ZNF469: variants seen among roughly 807,000 people sequenced by gnomAD.
ZNF469 encodes zinc finger protein 469.
Under a neutral mutation model 1.0 loss-of-function variants are expected in ZNF469, and 1 was observed. That is an observed-to-expected ratio of 1.00 (90% CI 0.35 to 4.73). The LOEUF (loss-of-function observed/expected upper bound fraction) is 4.73. Ranked by LOEUF, ZNF469 falls within the 30% of genes most tolerant of loss-of-function variation. ZNF469 has a pLI of 0.16. For synonymous variants in ZNF469, 2,703 were observed against 2,363.4 expected (o/e 1.14, Z -4.17); for missense variants, 6,100 against 5,356.3 (o/e 1.14, Z -4.33).
At chr16:88,112,196 G>C in the ZNF469 span, among the ~76,000 whole-genome samples, 1 of 152,166 alleles carries the variant, frequency 6.6e-6, no homozygotes, top group Non-Finnish European at 1.5e-5. Flanking sequence ...CCAGCACTTC[G>C]GGAGGCTGAG....
rs922480558 is a variant in ZNF469, at chr16:88,439,707, A to T, written c.*375A>T. On this transcript the variant is annotated 3_prime_UTR_variant, in exon 3 of 3. Coordinates refer to ENST00000565624, the MANE Select transcript of ZNF469 (RefSeq NM_001367624.2). ...GATTTGCACAACCTCCCGTTCCCCC[A>T]CATGGAGAAGGGAAGTAAGTTGAGG... is the stretch of plus-strand genomic sequence containing the variant. 1.0e-4 allele frequency: 30 copies of T among 294,238 alleles called. 1 individual carries two copies. Among genetic ancestry groups the T allele is most frequent in the South Asian group, 6.6e-4 (18 of 27,416 alleles). 18.2% of individuals were successfully genotyped at this position (294,238 alleles called of 1,614,324 possible). A position where few individuals can be genotyped will look rare whatever the true frequency, so the allele number is the denominator to read the frequency against.
At chr16:88,253,985 G>C in the ZNF469 span, among the ~76,000 whole-genome samples, 2 of 151,690 alleles carry the variant, frequency 1.3e-5, no homozygotes, top group Non-Finnish European at 2.9e-5. Flanking sequence ...TTTCCTAATA[G>C]TGTTATTTAA....
At chr16:88,386,378 C>T (rs771371889) in intron 1 of ZNF469, among the ~76,000 whole-genome samples, 1 of 152,108 alleles carries the variant, frequency 6.6e-6, no homozygotes, top group African/African-American at 2.4e-5. Context: ...GGGACCCCAC[C>T]GTCCCGCCCC....
intron 1 of ZNF469, among the ~76,000 whole-genome samples, chr16:88,386,956 C>G (rs1904345955): frequency 1.3e-5 from 2 of 152,164 alleles, no homozygotes; most frequent in African/African-American, 4.8e-5. Context: ...CAGGGACTGG[C>G]TGCAATCGTA....
the ZNF469 span, among the ~76,000 whole-genome samples, chr16:88,371,497 C>G: frequency 1.3e-5 from 2 of 152,150 alleles, no homozygotes; most frequent in African/African-American, 2.4e-5. Flanking sequence ...ATGGGAAAAC[C>G]AAAGCTCAGG....
At chr16:88,381,146 ACACTCACACACAGACACG>A, upstream of ZNF469, among the ~76,000 whole-genome samples, 1 of 122,044 alleles carries the variant, frequency 8.2e-6, no homozygotes, top group Non-Finnish European at 1.6e-5. Context: ...ACTCACACAC[ACACTCACACACAGACACG>A]CCCTCACACA....
rs1906631884 is a variant in ZNF469, at chr16:88,436,997, C to T, written c.9527C>T (p.Ala3176Val). Reference protein sequence around the residue: ...RHAQSKAGPWACGMCLKEVAD... With the variant: ...RHAQSKAGPWVCGMCLKEVAD... The stretch of plus-strand genomic sequence containing the variant: ...GCGCAGAGCAAGGCCGGGCCCTGGG[C>T]GTGCGGCATGTGCCTGAAGGAGGTG... The change falls in exon 3 of 3, where the codon GCG (alanine) becomes GTG (valine). Residue 3176 changes from alanine (A) to valine (V), a missense_variant. Transcript: ENST00000565624. The T allele has an allele frequency of 2.6e-6, 4 of 1,519,746 alleles. No homozygotes were observed. The highest frequency in any genetic ancestry group is 2.5e-5 in the East Asian group (1 of 40,562). 94.1% of individuals were successfully genotyped at this position (1,519,746 alleles called of 1,614,324 possible).
In ZNF469 at chr16:88,429,477, C is replaced by T. The variant is rs1439050545; in HGVS notation, c.2007C>T (p.Phe669=). 1.3e-6 allele frequency: 2 copies of T among 1,484,252 alleles called. No homozygotes were observed. Among genetic ancestry groups the T allele is most frequent in the Non-Finnish European group, 1.8e-6 (2 of 1,106,302 alleles). The allele number at this position is 1,484,252 out of a possible 1,614,324, so 91.9% of individuals were successfully genotyped here. A position where few individuals can be genotyped will look rare whatever the true frequency, so the allele number is the denominator to read the frequency against. Residue 669 remains phenylalanine, a synonymous_variant, in exon 3 of 3, where the codon TTC becomes TTT. Coordinates refer to ENST00000565624, the MANE Select transcript of ZNF469 (RefSeq NM_001367624.2). ...THYQPEPAKA[F]PFPADGLGAE... is the part of the protein sequence containing the mutation. Reference sequence around the variant, plus strand: ...ACCAGCCAGAGCCAGCCAAGGCCTTCCCTTTTCCCGCAGATGGGCTGGGAG... The same window carrying T: ...ACCAGCCAGAGCCAGCCAAGGCCTTTCCTTTTCCCGCAGATGGGCTGGGAG...
chr16:88,409,474 A>T (rs1340040260), intron 1 of ZNF469, among the ~76,000 whole-genome samples: 1 of 152,226 alleles, frequency 6.6e-6, no homozygotes, highest in East Asian at 1.9e-4. Flanking sequence ...TCGGGGCAGC[A>T]GCCAGGACAC....
chr16:88,132,043 C>G, the ZNF469 span, among the ~76,000 whole-genome samples: 1 of 152,234 alleles, frequency 6.6e-6, no homozygotes, highest in African/African-American at 2.4e-5. Context: ...CACTCCCAGC[C>G]TCTCCATCGG....
chr16:88,310,033 T>C, the ZNF469 span, among the ~76,000 whole-genome samples: 1 of 152,074 alleles, frequency 6.6e-6, no homozygotes, highest in Non-Finnish European at 1.5e-5. Context: ...CAATAACAGG[T>C]GTGCAATTCC....
At chr16:88,403,004 C>G (rs1002671066) in intron 1 of ZNF469, among the ~76,000 whole-genome samples, 1 of 152,228 alleles carries the variant, frequency 6.6e-6, no homozygotes, top group African/African-American at 2.4e-5. Context: ...GCAACACCCG[C>G]CGTGCATACC....
upstream of ZNF469, among the ~76,000 whole-genome samples, chr16:88,382,233 C>T (rs909726085): frequency 6.6e-6 from 1 of 152,140 alleles, no homozygotes; most frequent in African/African-American, 2.4e-5. Context: ...GGCCAGGGGG[C>T]TCTGCCTGGA....
the ZNF469 span, among the ~76,000 whole-genome samples, chr16:88,370,676 C>T: frequency 1.3e-5 from 2 of 152,084 alleles, no homozygotes; most frequent in African/African-American, 4.8e-5. Context: ...CACAAATGAC[C>T]GCAAACTGGG....
At chr16:88,367,867 C>A in the ZNF469 span, among the ~76,000 whole-genome samples, 1 of 152,190 alleles carries the variant, frequency 6.6e-6, no homozygotes, top group Non-Finnish European at 1.5e-5. Context: ...ACATCCCTCT[C>A]CAAAGCAGCC....
chr16:88,309,698 A>G, the ZNF469 span, among the ~76,000 whole-genome samples: 1 of 147,498 alleles, frequency 6.8e-6, no homozygotes, highest in South Asian at 2.2e-4. Flanking sequence ...TGACGGGGGG[A>G]GTGCCCTCTG....
At chr16:88,323,560 TG>T in the ZNF469 span, among the ~76,000 whole-genome samples, 2 of 152,116 alleles carry the variant, frequency 1.3e-5, no homozygotes, top group African/African-American at 4.8e-5. Flanking sequence ...CTATTGGAAA[TG>T]GTCCCAAGAG....
the ZNF469 span, among the ~76,000 whole-genome samples, chr16:88,372,127 ATCACCG>A: frequency 7.6e-6 from 1 of 132,132 alleles, no homozygotes; most frequent in African/African-American, 2.9e-5. Flanking sequence ...CATCATCACC[ATCACCG>A]TCACCATCAT....
At chr16:88,155,685 A>C in the ZNF469 span, among the ~76,000 whole-genome samples, 1 of 152,216 alleles carries the variant, frequency 6.6e-6, no homozygotes, top group Non-Finnish European at 1.5e-5. Context: ...GATGGACCAC[A>C]GTTTATGCAT....
Sources: gnomAD v4.1 joint callset for allele counts (sites outside exome capture counted in the v4.1 genomes callset) on GRCh38, gnomAD v4.1.1 for gene constraint, MANE v1.5 for transcripts, NCBI Gene and HGNC (gene_info 2026-07-23, HGNC 2026-07-21) for gene names.